JPH3: variants seen among roughly 807,000 people sequenced by gnomAD.
JPH3 encodes the protein junctophilin-3.
Under a neutral mutation model 59.6 loss-of-function variants are expected in JPH3, and 11 were observed. The observed-to-expected ratio is 0.18, with a 90% CI of 0.12 to 0.31. The LOEUF is 0.31. Ranked by LOEUF, JPH3 falls within the 10% of genes least tolerant of loss-of-function variation. The pLI, the probability that JPH3 is intolerant of heterozygous loss-of-function variation, is 1.00. For missense variants in JPH3, 1,202 were observed against 1,105.7 expected (o/e 1.09, Z -1.24); for synonymous variants, 673 against 483.6 (o/e 1.39, Z -5.14).
At chr16:87,670,996 A>G (rs1036452284) in intron 2 of JPH3, among the ~76,000 whole-genome samples, 1 of 152,134 alleles carries the variant, frequency 6.6e-6, no homozygotes, top group Non-Finnish European at 1.5e-5. Flanking sequence ...GAGGGTAGCA[A>G]GGTGCCTGGG....
intron 1 of JPH3, among the ~76,000 whole-genome samples, chr16:87,633,902 TTG>T (rs201143055): frequency 0.077 from 11,689 of 151,246 alleles, 1,325 homozygotes; most frequent in African/African-American, 0.25. Flanking sequence ...CCCCAAACCC[TTG>T]CTTTTGACCA....
chr16:87,690,658 T>G, intron 4 of JPH3, 132 bp downstream of exon 4: 1 of 1,015,944 alleles, frequency 9.8e-7, no homozygotes, highest in Non-Finnish European at 1.3e-6. Context: ...AGGGTGGGGG[T>G]ACAGCCGGGA....
In JPH3 at chr16:87,659,388, AAAAAAAAAAAG is replaced by A. The variant is rs1291660230; in HGVS notation, c.1160+14358_1160+14368del. Among the ~76,000 whole-genome samples, 10 of 78,532 alleles carry A rather than the reference AAAAAAAAAAAG, an allele frequency of 1.3e-4. 2 individuals are homozygous for A. In the South Asian group the frequency reaches 1.8e-3, roughly 14 times the overall value. The allele number at this position is 78,532 out of a possible 152,430, so 51.5% of individuals were successfully genotyped here. ...TAAGACTGTCTCAAAAAAAAAAAAG[AAAAAAAAAAAG>A]AAAACTACACACACATACACACAAC... On this transcript the variant is annotated intron_variant, in intron 2 of 4. Transcript: ENST00000284262.
At chr16:87,636,798 C>G (rs1286512964) in intron 1 of JPH3, among the ~76,000 whole-genome samples, 2 of 152,252 alleles carry the variant, frequency 1.3e-5, no homozygotes, top group African/African-American at 4.8e-5. Context: ...ATGGCCAGAG[C>G]TCCGTCAGTT....
rs1325225272 is a variant in JPH3, at chr16:87,644,912, G to T, written c.1037G>T (p.Gly346Val). Residue 346 changes from glycine (G) to valine (V), a missense_variant, in exon 2 of 5, where the codon GGC (glycine) becomes GTC (valine). Physicochemically the swap from Gly to Val is moderately radical, Grantham distance 109 (BLOSUM62 -3). Coordinates refer to ENST00000284262, the MANE Select transcript of JPH3 (RefSeq NM_020655.4). Reference protein sequence around the residue: ...GKYKQNILVGGKRKNLIPLRA... With the variant: ...GKYKQNILVGVKRKNLIPLRA... ...TACAAGCAGAACATCCTCGTCGGCG[G>T]CAAGCGCAAGAACCTCATCCCCCTG... 11 of 1,612,782 alleles carry T rather than the reference G, an allele frequency of 6.8e-6. No individual in the cohort carries two copies. The highest frequency in any genetic ancestry group is 9.3e-6 in the Non-Finnish European group (11 of 1,179,926).
chr16:87,637,818 C>T (rs1211706300), intron 1 of JPH3, among the ~76,000 whole-genome samples: 3 of 152,140 alleles, frequency 2.0e-5, no homozygotes, highest in South Asian at 2.1e-4. Flanking sequence ...GGGTGGTGTT[C>T]CCATGCCGAG....
intron 1 of JPH3, 43 bp from the exon 2 acceptor site, chr16:87,644,215 C>T (rs778605804): frequency 5.8e-6 from 9 of 1,555,948 alleles, no homozygotes; most frequent in South Asian, 1.2e-5. Flanking sequence ...TGTGCCCCCT[C>T]CTCTGTCGCT....
At chr16:87,676,084 C>T (rs540116568) in intron 2 of JPH3, among the ~76,000 whole-genome samples, 140 of 152,326 alleles carry the variant, frequency 9.2e-4, no homozygotes, top group Admixed American at 1.6e-3. Flanking sequence ...GGTGGTGACC[C>T]GCCTCAGTAA....
chr16:87,695,265 A>G (rs1373140188), intron 4 of JPH3: 5 of 455,402 alleles, frequency 1.1e-5, no homozygotes, highest in Non-Finnish European at 2.2e-5. Flanking sequence ...CCACCCCATC[A>G]TGTCTTTGAA....
chr16:87,683,158 G>C (rs1388184982), intron 2 of JPH3, among the ~76,000 whole-genome samples: 1 of 152,226 alleles, frequency 6.6e-6, no homozygotes, highest in Non-Finnish European at 1.5e-5. Context: ...TACTGGGCAG[G>C]GAGGTGGTCC....
At chr16:87,689,404 C>T (rs911899829) in intron 3 of JPH3, among the ~76,000 whole-genome samples, 1 of 152,168 alleles carries the variant, frequency 6.6e-6, no homozygotes, top group Non-Finnish European at 1.5e-5. Context: ...TCCGCCCTTC[C>T]TGTGGTGCCT....
chr16:87,630,789 C>T (rs2031542082), intron 1 of JPH3, among the ~76,000 whole-genome samples: 2 of 152,124 alleles, frequency 1.3e-5, no homozygotes, highest in South Asian at 2.1e-4. Context: ...CACTTTTAGC[C>T]ATTATCTGTT....
chr16:87,661,684 A>G (rs62053794), intron 2 of JPH3, among the ~76,000 whole-genome samples: 12,736 of 152,308 alleles, frequency 0.084, 587 homozygotes, highest in African/African-American at 0.12. Flanking sequence ...AGCCCTGTCC[A>G]AGAGCAAAGA....
intron 3 of JPH3, among the ~76,000 whole-genome samples, chr16:87,689,319 G>A (rs1248351192): frequency 1.3e-5 from 2 of 152,136 alleles, no homozygotes; most frequent in African/African-American, 4.8e-5. Context: ...AGGGTTGGTG[G>A]GACCTGAGTC....
intron 2 of JPH3, among the ~76,000 whole-genome samples, chr16:87,658,114 C>T (rs1820512177): frequency 1.3e-5 from 2 of 152,170 alleles, no homozygotes; most frequent in South Asian, 2.1e-4. Context: ...TGTGAAGACA[C>T]CACCTGTGTG....
Position 87,641,030 on chromosome 16 carries a change from C to T in JPH3, c.383-3228C>T, listed in dbSNP as rs184942254. Among the ~76,000 whole-genome samples, 187 of 152,332 alleles carry T rather than the reference C, an allele frequency of 1.2e-3. 4 individuals carry two copies. Among genetic ancestry groups the T allele is most frequent in the East Asian group, 6.2e-3 (32 of 5,182 alleles). ...AAGGGCGTTCGGGTGTGGAGCAAGC[C>T]ACAGGGTTTCCCCCCAGTGTGGTTC... On this transcript the variant is annotated intron_variant, in intron 1 of 4. Transcript: ENST00000284262.
chr16:87,690,479 G>C lies in JPH3; in HGVS notation c.2119G>C (p.Ala707Pro). 1 of 1,487,894 alleles carries C rather than the reference G, an allele frequency of 6.7e-7. No individual in the cohort carries two copies. 92.2% of individuals were successfully genotyped at this position (1,487,894 alleles called of 1,614,324 possible). Residue 707 changes from alanine to proline, a missense_variant, in exon 4 of 5, where the codon GCT (alanine) becomes CCT (proline). Physicochemically the swap from Ala to Pro is conservative, Grantham distance 27. Transcript: ENST00000284262. ...FSPPQKSLPV[A>P]LESDEENGDE... The stretch of plus-strand genomic sequence containing the variant: ...CCCGCCCCAGAAATCCTTGCCTGTC[G>C]CTCTAGAGTCCGACGAGGAGAATGG...
At chr16:87,620,176 T>C (rs2031119830) in intron 1 of JPH3, among the ~76,000 whole-genome samples, 1 of 151,990 alleles carries the variant, frequency 6.6e-6, no homozygotes, top group Non-Finnish European at 1.5e-5. Context: ...CAATGGGGAC[T>C]GGGATCCCAG....
At chr16:87,660,713 A>G (rs2032672777) in intron 2 of JPH3, among the ~76,000 whole-genome samples, 1 of 152,124 alleles carries the variant, frequency 6.6e-6, no homozygotes, top group South Asian at 2.1e-4. Context: ...ATGGACCCCC[A>G]ATCACACTGT....
Sources: gnomAD v4.1 joint callset for allele counts (sites outside exome capture counted in the v4.1 genomes callset) on GRCh38, gnomAD v4.1.1 for gene constraint, MANE v1.5 for transcripts, NCBI Gene and HGNC (gene_info 2026-07-23, HGNC 2026-07-21) for gene names.